Variants in GSE1 observed in about 807,000 individuals in gnomAD.
GSE1 encodes Gse1 coiled-coil protein, also known as genetic suppressor element 1.
GSE1 carries 32 observed loss-of-function variants against 112.6 expected under a neutral mutation model. That is an observed-to-expected ratio of 0.28 (90% CI 0.21 to 0.38). GSE1 has a LOEUF of 0.38. Ranked by LOEUF, GSE1 falls within the 10% of genes least tolerant of loss-of-function variation. GSE1 has a pLI of 1.00. For synonymous variants in GSE1, 1,115 were observed against 735.6 expected, an observed-to-expected ratio of 1.52 and a Z score of -8.35; for missense variants, 2,348 against 1,699.2, an observed-to-expected ratio of 1.38 and a Z score of -6.71.
At chr16:85,348,519 G>C (rs962950054) in intron 1 of GSE1, among the ~76,000 whole-genome samples, 1 of 152,102 alleles carries the variant, frequency 6.6e-6, no homozygotes, top group Non-Finnish European at 1.5e-5. Flanking sequence ...TGGCCCCTTT[G>C]TCCACTTGAT....
chr16:85,606,246 A>T (rs1394499088), intron 1 of GSE1, among the ~76,000 whole-genome samples: 1 of 152,194 alleles, frequency 6.6e-6, no homozygotes, highest in African/African-American at 2.4e-5. Flanking sequence ...TGACAGTAGG[A>T]AAATTTGGCC....
upstream of GSE1, chr16:85,613,280 G>T (rs1161453708): frequency 1.9e-6 from 3 of 1,538,668 alleles, no homozygotes; most frequent in African/African-American, 1.4e-5. Flanking sequence ...CTCCCCAGCG[G>T]GCCCGAGCTG....
intron 1 of GSE1, among the ~76,000 whole-genome samples, chr16:85,212,583 A>G (rs780848664): frequency 3.3e-5 from 5 of 152,152 alleles, no homozygotes; most frequent in Non-Finnish European, 7.3e-5. Context: ...AGGCCTCAGG[A>G]GACATCCACC....
intron 1 of GSE1, among the ~76,000 whole-genome samples, chr16:85,188,353 C>T (rs1365791603): frequency 6.6e-6 from 1 of 152,196 alleles, no homozygotes; most frequent in African/African-American, 2.4e-5. Context: ...ATAGTATGTG[C>T]TCAATTAATG....
At chr16:85,648,863 CT>C (rs2051100504) in intron 3 of GSE1, 112 bp downstream of exon 3, 1 of 580,086 alleles carries the variant, frequency 1.7e-6, no homozygotes, top group African/African-American at 2.0e-5. Context: ...CAGACACCCC[CT>C]CCCCCACCCT....
In GSE1 at chr16:85,654,994, G is replaced by T; in HGVS notation, c.797+3G>T. 6.4e-7 allele frequency: 1 copy of T among 1,560,102 alleles called. No homozygotes were observed. On this transcript the variant is annotated splice_donor_region_variant and intron_variant, in intron 5 of 15. Coordinates refer to ENST00000253458, the MANE Select transcript of GSE1 (RefSeq NM_014615.5). ...CCCTTCCCCCACCCGGCCTTCAGGT[G>T]AGGCATCCCCCACGCGCCCTCTCGT...
chr16:85,354,531 C>T (rs1300391997), intron 1 of GSE1, among the ~76,000 whole-genome samples: 6 of 152,234 alleles, frequency 3.9e-5, no homozygotes, highest in Non-Finnish European at 5.9e-5. Flanking sequence ...GTCCCGCTTC[C>T]GGGAGCCATC....
chr16:85,527,070 C>T (rs930302968), intron 2 of GSE1, among the ~76,000 whole-genome samples: 2 of 152,334 alleles, frequency 1.3e-5, no homozygotes, highest in Admixed American at 6.5e-5. Flanking sequence ...GTTCACCTCT[C>T]CGGTCAGGAT....
At chr16:85,514,054 C>T (rs1379635483) in intron 2 of GSE1, among the ~76,000 whole-genome samples, 1 of 152,108 alleles carries the variant, frequency 6.6e-6, no homozygotes, top group Non-Finnish European at 1.5e-5. Flanking sequence ...CGGGTGATTC[C>T]AGGCTGAAGA....
chr16:85,177,296 G>C (rs35128160), intron 1 of GSE1, among the ~76,000 whole-genome samples: 44,901 of 152,152 alleles, frequency 0.3, 7,897 homozygotes, highest in African/African-American at 0.48. Flanking sequence ...GTCTTTGGAG[G>C]ATGTATAGCT....
At chr16:85,493,946 G>C (rs1441157884) in intron 2 of GSE1, among the ~76,000 whole-genome samples, 1 of 152,152 alleles carries the variant, frequency 6.6e-6, no homozygotes, top group African/African-American at 2.4e-5. Flanking sequence ...AGCTTGACAT[G>C]GTAGTGGTTG....
At chr16:85,355,364 G>C (rs948873089) in intron 1 of GSE1, among the ~76,000 whole-genome samples, 1 of 152,310 alleles carries the variant, frequency 6.6e-6, no homozygotes, top group Admixed American at 6.5e-5. Flanking sequence ...TTCAAGCTGG[G>C]GCTTAGCTCA....
In GSE1 at chr16:85,331,331, G is replaced by C. The variant is rs1177794925; in HGVS notation, c.2284-26132G>C. Reference sequence around the variant, plus strand: ...CCATGCCCAGCTAATTTCTGTGTGTGTGTGTGTGTGTGTGTGTGTGTGTGT... The same window carrying C: ...CCATGCCCAGCTAATTTCTGTGTGTCTGTGTGTGTGTGTGTGTGTGTGTGT... On this transcript the variant is annotated intron_variant, in intron 1 of 2. Coordinates refer to the GSE1 transcript ENST00000637419. Among the ~76,000 whole-genome samples the C allele has an allele frequency of 7.1e-5, 5 of 70,754 alleles. No individual in the cohort carries two copies. The East Asian group carries it at 1.3e-3, about 18-fold the overall frequency. 46.4% of individuals were successfully genotyped at this position (70,754 alleles called of 152,430 possible).
chr16:85,250,326 C>T (rs1053371835), intron 1 of GSE1, among the ~76,000 whole-genome samples: 3 of 152,226 alleles, frequency 2.0e-5, no homozygotes, highest in African/African-American at 4.8e-5. Flanking sequence ...CAGTGCACCC[C>T]CTCTCGCCCA....
rs564920468 is a variant in GSE1, at chr16:85,297,339, G to A, written c.2284-60124G>A. Among the ~76,000 whole-genome samples the A allele has an allele frequency of 6.7e-5, 10 of 150,374 alleles. No individual in the cohort carries two copies. In the South Asian group the frequency reaches 8.3e-4, roughly 12 times the overall value. On this transcript the variant is annotated intron_variant, in intron 1 of 2. Transcript: ENST00000637419. ...TCGCCGAAGGGTAGGGGCAGCAGACGAACTCCAGAGATAGGAACCTTCTTA... is the reference window on the plus strand; with the variant it reads ...TCGCCGAAGGGTAGGGGCAGCAGACAAACTCCAGAGATAGGAACCTTCTTA...
In GSE1 at chr16:85,643,533, G is replaced by A. The variant is rs74034006; in HGVS notation, c.227-5019G>A. Among the ~76,000 whole-genome samples the A allele has an allele frequency of 4.9e-3, 738 of 150,744 alleles. 7 individuals carry two copies. Among genetic ancestry groups the A allele is most frequent in the African/African-American group, 0.017 (704 of 41,246 alleles). On this transcript the variant is annotated intron_variant, in intron 2 of 15. Coordinates refer to ENST00000253458, the MANE Select transcript of GSE1 (RefSeq NM_014615.5). ...TCCTCACCCACTGGTGCTTAGAAACGAGGCTCATTCAGAGACTCTGGAGTG... is the reference window on the plus strand; with the variant it reads ...TCCTCACCCACTGGTGCTTAGAAACAAGGCTCATTCAGAGACTCTGGAGTG...
chr16:85,588,375 C>G (rs998160766), intron 1 of GSE1, among the ~76,000 whole-genome samples: 4 of 152,194 alleles, frequency 2.6e-5, no homozygotes, highest in Admixed American at 2.0e-4. Context: ...CTTGGGGGGC[C>G]CGTGTCCCAG....
intron 1 of GSE1, among the ~76,000 whole-genome samples, chr16:85,209,743 G>T (rs561614978): frequency 6.6e-6 from 1 of 152,188 alleles, no homozygotes; most frequent in South Asian, 2.1e-4. Context: ...CTGGCAGGCC[G>T]CCTGACGTTG....
intron 2 of GSE1, among the ~76,000 whole-genome samples, chr16:85,476,333 C>G (rs1259117821): frequency 6.6e-6 from 1 of 152,178 alleles, no homozygotes; most frequent in Non-Finnish European, 1.5e-5. Flanking sequence ...AACTTGCAGG[C>G]ACCTGCCGAG....
Sources: allele counts gnomAD v4.1 joint callset (sites outside exome capture counted in the v4.1 genomes callset), GRCh38; gene constraint gnomAD v4.1.1; transcripts MANE v1.5; gene names NCBI Gene and HGNC (gene_info 2026-07-23, HGNC 2026-07-21).